Variants in SEPTIN6 observed in about 807,000 individuals in gnomAD.
The protein encoded by SEPTIN6 is septin-6.
Under a neutral mutation model 33.6 loss-of-function variants are expected in SEPTIN6, and 8 were observed. That is an observed-to-expected ratio of 0.24 (90% CI 0.14 to 0.43). The LOEUF (loss-of-function observed/expected upper bound fraction) is 0.43, where lower values mean the gene tolerates loss of function less well. SEPTIN6 is among the 20% of genes least tolerant of loss of function. The probability of loss-of-function intolerance (pLI) is 1.00; values close to 1 mark genes in which losing one functional copy is unlikely to be tolerated. For missense variants in SEPTIN6, 250 were observed against 340.8 expected (o/e 0.73, Z 2.10); for synonymous variants, 131 against 140.0 (o/e 0.94, Z 0.45).
rs779934418 is a variant in SEPTIN6 at position 119,633,210 on chromosome X, T to C, written c.1089+150A>G. 5.0e-5 allele frequency: 25 copies of C among 502,052 alleles called. No homozygotes were observed. In the African/African-American group the frequency reaches 5.6e-4, roughly 11 times the overall value. 41.4% of individuals were successfully genotyped at this position (502,052 alleles called of 1,213,427 possible). On this transcript the variant is annotated intron_variant, in intron 8 of 10. Coordinates refer to ENST00000394610, the MANE Select transcript of SEPTIN6 (RefSeq NM_145799.4). ...CTGGGTCGAATGGCATTTCTGATTC[T>C]AGGTCTTTGAGGAATCACCACACTG... is the stretch of plus-strand genomic sequence containing the variant.
At chrX:119,632,072 T>C (rs1460386333) in intron 8 of SEPTIN6, among the ~76,000 whole-genome samples, 1 of 109,871 alleles carries the variant, frequency 9.1e-6, no homozygotes, top group Non-Finnish European at 1.9e-5. Context: ...ATTTTTTCTA[T>C]TTTTAATAGA....
intron 1 of SEPTIN6, among the ~76,000 whole-genome samples, chrX:119,680,980 C>CAAA (rs60147271): frequency 1.3e-5 from 1 of 77,983 alleles, no homozygotes. Context: ...GACTCTGTCT[C>CAAA]AAAAAAAAAA....
intron 8 of SEPTIN6, among the ~76,000 whole-genome samples, chrX:119,632,388 G>T (rs1310340236): frequency 1.8e-5 from 2 of 109,688 alleles, no homozygotes; most frequent in Non-Finnish European, 3.8e-5. Context: ...AGTAGAGACG[G>T]GGTTTCACCG....
At chrX:119,657,614 G>A (rs1407059959) in intron 3 of SEPTIN6, among the ~76,000 whole-genome samples, 2 of 111,474 alleles carry the variant, frequency 1.8e-5, no homozygotes, top group Non-Finnish European at 3.8e-5. Context: ...ATGAGCTCAA[G>A]CGATTCTCCT....
At chrX:119,641,144 A>AG (rs1192314774) in intron 5 of SEPTIN6, among the ~76,000 whole-genome samples, 1 of 111,866 alleles carries the variant, frequency 8.9e-6, no homozygotes, top group African/African-American at 3.3e-5. Flanking sequence ...AAGTGGAATG[A>AG]GGGGGGTTCT....
downstream of SEPTIN6, chrX:119,616,368 A>C (rs1237918511): frequency 2.2e-5 from 8 of 369,699 alleles, no homozygotes; most frequent in Admixed American, 3.7e-5. Context: ...TTGTGAACAG[A>C]ACAGTACTTT....
chrX:119,656,371 G>C (rs1421723192), intron 3 of SEPTIN6, among the ~76,000 whole-genome samples: 1 of 112,308 alleles, frequency 8.9e-6, no homozygotes, highest in Non-Finnish European at 1.9e-5. Flanking sequence ...TGAGCCGCAA[G>C]GATGAGGATG....
chrX:119,690,167 T>C (rs2055140037), intron 1 of SEPTIN6, among the ~76,000 whole-genome samples: 2 of 111,917 alleles, frequency 1.8e-5, no homozygotes, highest in South Asian at 7.3e-4. Flanking sequence ...AAACCGTTTG[T>C]GGTGTTCATT....
chrX:119,617,922 T>C lies in SEPTIN6; in HGVS notation c.*2171A>G. 1 of 803,772 alleles carries C rather than the reference T, an allele frequency of 1.2e-6. No homozygotes were observed. Among genetic ancestry groups the C allele is most frequent in the Non-Finnish European group, 1.5e-6 (1 of 669,423 alleles). 66.2% of individuals were successfully genotyped at this position (803,772 alleles called of 1,213,427 possible). A position where few individuals can be genotyped will look rare whatever the true frequency, so the allele number is the denominator to read the frequency against. On this transcript the variant is annotated 3_prime_UTR_variant, in exon 11 of 11. Transcript: ENST00000394610. Reference sequence around the variant, plus strand: ...GAATTATTCAGAGCTTCTCAAGCCTTAACTAGTTAATCTGTACACAAATGC... The same window carrying C: ...GAATTATTCAGAGCTTCTCAAGCCTCAACTAGTTAATCTGTACACAAATGC...
chrX:119,658,771 T>C (rs753131587), intron 3 of SEPTIN6, among the ~76,000 whole-genome samples: 1 of 112,524 alleles, frequency 8.9e-6, no homozygotes, highest in South Asian at 3.6e-4. Flanking sequence ...ACTGGGGAAG[T>C]TGAATGACCA....
chrX:119,624,033 C>T (rs1569418866), intron 10 of SEPTIN6: 1 of 337,119 alleles, frequency 3.0e-6, no homozygotes, highest in Non-Finnish European at 5.8e-6. Context: ...GAATCCTTAC[C>T]TGCTGATCTC....
chrX:119,680,658 G>C (rs1222542541), intron 1 of SEPTIN6, among the ~76,000 whole-genome samples: 1 of 111,029 alleles, frequency 9.0e-6, no homozygotes, highest in Non-Finnish European at 1.9e-5. Context: ...CAAACTTTTT[G>C]TCTCAATCCC....
At chrX:119,629,090 G>T (rs1207398761) in intron 9 of SEPTIN6, 2 of 386,692 alleles carry the variant, frequency 5.2e-6, no homozygotes, top group Non-Finnish European at 4.5e-6. Context: ...GGACAGATGG[G>T]CTGGGCCTCT....
intron 1 of SEPTIN6, among the ~76,000 whole-genome samples, chrX:119,679,630 C>T (rs192878878): frequency 9.0e-6 from 1 of 111,552 alleles, no homozygotes; most frequent in Non-Finnish European, 1.9e-5. Context: ...GAGGCTGAGG[C>T]AGGCGGATCA....
intron 2 of SEPTIN6, among the ~76,000 whole-genome samples, chrX:119,668,166 GGCT>G (rs2054678125): frequency 9.1e-6 from 1 of 109,905 alleles, no homozygotes; most frequent in Non-Finnish European, 1.9e-5. Context: ...CATGGTGGCA[GGCT>G]CCTGTAATCC....
chrX:119,674,539 T>A (rs2054809971), intron 2 of SEPTIN6, among the ~76,000 whole-genome samples: 2 of 111,783 alleles, frequency 1.8e-5, no homozygotes, highest in South Asian at 7.4e-4. Context: ...CTCAGTGGTT[T>A]CCAAAGTGCT....
Position 119,652,945 on chromosome X carries a change from G to A in SEPTIN6, c.437C>T (p.Ser146Phe). The stretch of plus-strand genomic sequence containing the variant: ...GAAATACAAGCAGACATGGATTCGG[G>A]AGTCATGGTAGGTGTGTAGCACTCT... ...IRRVLHTYHD[S>F]RIHVCLYFIA... The change falls in exon 4 of 11, where the codon TCC becomes TTC. Residue 146 changes from serine (S) to phenylalanine (F), a missense_variant. Transcript: ENST00000394610. The A allele has an allele frequency of 3.3e-6, 4 of 1,209,449 alleles. No homozygotes were observed. The highest frequency in any genetic ancestry group is 4.5e-6 in the Non-Finnish European group (4 of 893,945).
chrX:119,624,812 C>T (rs1211727680), intron 10 of SEPTIN6, among the ~76,000 whole-genome samples: 10 of 111,531 alleles, frequency 9.0e-5, no homozygotes, highest in South Asian at 3.7e-4. Flanking sequence ...CAGGTTCAAG[C>T]GATTCTCCTG....
chrX:119,672,066 A>G (rs1444056175), intron 2 of SEPTIN6, among the ~76,000 whole-genome samples: 1 of 112,037 alleles, frequency 8.9e-6, no homozygotes, highest in African/African-American at 3.2e-5. Context: ...TGAGCACAGC[A>G]AGAGGGCAGG....
Sources: allele counts gnomAD v4.1 joint callset (sites outside exome capture counted in the v4.1 genomes callset), GRCh38; gene constraint gnomAD v4.1.1; transcripts MANE v1.5; gene names NCBI Gene and HGNC (gene_info 2026-07-23, HGNC 2026-07-21).